The following CSMD1 variants were observed in gnomAD, a reference collection of about 807,000 sequenced individuals.
CSMD1 encodes the protein CUB and sushi domain-containing protein 1.
Under a neutral mutation model 417.5 loss-of-function variants are expected in CSMD1, and 213 were observed. The ratio of observed to expected loss-of-function variants is 0.51; its 90% CI spans 0.46 to 0.57. The LOEUF (loss-of-function observed/expected upper bound fraction) is 0.57, where lower values mean the gene tolerates loss of function less well. Ranked by LOEUF, CSMD1 falls within the 20% of genes least tolerant of loss-of-function variation. The pLI is 0.00. For missense variants in CSMD1, 6,923 were observed against 4,529.7 expected, an observed-to-expected ratio of 1.53 and a Z score of -15.17; for synonymous variants, 2,862 against 1,736.8, an observed-to-expected ratio of 1.65 and a Z score of -16.11.
intron 5 of CSMD1, among the ~76,000 whole-genome samples, chr8:3,974,084 CTTAT>C (rs140703616): frequency 0.016 from 2,452 of 152,062 alleles, 56 homozygotes; most frequent in African/African-American, 0.055. Flanking sequence ...AATGGTAGGT[CTTAT>C]TTATTATTTC....
intron 2 of CSMD1, among the ~76,000 whole-genome samples, chr8:4,611,960 A>C (rs1233240642): frequency 6.6e-6 from 1 of 152,120 alleles, no homozygotes; most frequent in African/African-American, 2.4e-5. Context: ...ATTTAGCTTA[A>C]TTTGTGTGTT....
chr8:3,068,145 A>C (rs1813071419), intron 49 of CSMD1, among the ~76,000 whole-genome samples: 1 of 152,210 alleles, frequency 6.6e-6, no homozygotes, highest in Non-Finnish European at 1.5e-5. Context: ...ACAGAGGTTC[A>C]AACACTGTCT....
At chr8:3,925,663 T>C (rs1809602625) in intron 5 of CSMD1, among the ~76,000 whole-genome samples, 1 of 152,000 alleles carries the variant, frequency 6.6e-6, no homozygotes, top group South Asian at 2.1e-4. Flanking sequence ...GTTTCCACTT[T>C]TGCCTCCTCC....
chr8:4,599,525 C>G (rs551476094), intron 2 of CSMD1, among the ~76,000 whole-genome samples: 5 of 150,844 alleles, frequency 3.3e-5, no homozygotes, highest in Middle Eastern at 3.2e-3. Context: ...TTTTTTTACA[C>G]TAAGTGCACA....
chr8:3,471,103 C>G (rs530452050), intron 11 of CSMD1, among the ~76,000 whole-genome samples: 14 of 152,286 alleles, frequency 9.2e-5, no homozygotes, highest in East Asian at 7.7e-4. Context: ...AATTTTTCCC[C>G]AGACTGTTTG....
intron 7 of CSMD1, among the ~76,000 whole-genome samples, chr8:3,640,877 G>C (rs1179571685): frequency 6.6e-6 from 1 of 151,986 alleles, no homozygotes; most frequent in Non-Finnish European, 1.5e-5. Flanking sequence ...TGTTAATGAT[G>C]TCAGTATCCA....
chr8:4,886,839 C>T (rs1286875561), intron 1 of CSMD1, among the ~76,000 whole-genome samples: 1 of 151,924 alleles, frequency 6.6e-6, no homozygotes, highest in Non-Finnish European at 1.5e-5. Context: ...TCTCTTCTGT[C>T]ATTTCAGATT....
chr8:3,760,184 A>G (rs1797914763), intron 5 of CSMD1, among the ~76,000 whole-genome samples: 1 of 152,192 alleles, frequency 6.6e-6, no homozygotes, highest in African/African-American at 2.4e-5. Context: ...GAGCATCTCA[A>G]TCTAGGTCAG....
intron 5 of CSMD1, among the ~76,000 whole-genome samples, chr8:3,754,495 T>C (rs1158402245): frequency 6.6e-6 from 1 of 151,792 alleles, no homozygotes; most frequent in East Asian, 1.9e-4. Context: ...CACTGTGTCA[T>C]CCAGGCTGGA....
chr8:3,577,432 C>T (rs897970325), intron 9 of CSMD1, among the ~76,000 whole-genome samples: 5 of 151,954 alleles, frequency 3.3e-5, no homozygotes, highest in Admixed American at 6.6e-5. Context: ...AATCTCTGTC[C>T]GTCTTTGCAA....
chr8:3,565,578 T>G (rs552503068), intron 10 of CSMD1, among the ~76,000 whole-genome samples: 1 of 152,348 alleles, frequency 6.6e-6, no homozygotes, highest in Non-Finnish European at 1.5e-5. Flanking sequence ...AGTGAATGCC[T>G]CTTCTTCATC....
At position 4,466,893 on chromosome 8, in the gene CSMD1, T is replaced by C. The variant is rs144687595; in HGVS notation, c.303-46828A>G. 2.0e-4 allele frequency among the ~76,000 whole-genome samples: 30 copies of C among 152,136 alleles called. No individual in the cohort carries two copies. The East Asian group carries it at 3.7e-3, about 19-fold the overall frequency. On this transcript the variant is annotated intron_variant, in intron 2 of 69. Transcript: ENST00000635120. ...ATGAGACTAAGGTTATTTTTAATTATATTGAAATTTTACAGTGTGTTTTTA... is the reference window on the plus strand; with the variant it reads ...ATGAGACTAAGGTTATTTTTAATTACATTGAAATTTTACAGTGTGTTTTTA...
At chr8:4,972,917 C>A (rs1341158916) in intron 1 of CSMD1, among the ~76,000 whole-genome samples, 1 of 152,076 alleles carries the variant, frequency 6.6e-6, no homozygotes, top group Non-Finnish European at 1.5e-5. Flanking sequence ...GGAGAGTACT[C>A]TTGAAAATAC....
chr8:3,634,692 G>A (rs182674388), intron 7 of CSMD1, among the ~76,000 whole-genome samples: 2 of 152,248 alleles, frequency 1.3e-5, no homozygotes, highest in African/African-American at 2.4e-5. Context: ...GAAATGAAAG[G>A]TGTGATTAGA....
intron 1 of CSMD1, among the ~76,000 whole-genome samples, chr8:4,820,576 A>T (rs1799465550): frequency 6.6e-6 from 1 of 152,172 alleles, no homozygotes; most frequent in African/African-American, 2.4e-5. Flanking sequence ...GTGAGCAAAG[A>T]AATGCGTGAA....
chr8:3,760,969 T>C (rs1013735521), intron 5 of CSMD1, among the ~76,000 whole-genome samples: 19 of 152,072 alleles, frequency 1.2e-4, no homozygotes, highest in Non-Finnish European at 2.9e-5. Flanking sequence ...TTCTTTTTTT[T>C]TTGCATTTTC....
chr8:3,169,247 C>T (rs1012808021), intron 37 of CSMD1, among the ~76,000 whole-genome samples: 2 of 152,240 alleles, frequency 1.3e-5, no homozygotes, highest in African/African-American at 4.8e-5. Flanking sequence ...TAGGAGAAAC[C>T]AGAGGAGACA....
At chr8:4,763,110 A>G (rs1348464386) in intron 1 of CSMD1, among the ~76,000 whole-genome samples, 1 of 152,216 alleles carries the variant, frequency 6.6e-6, no homozygotes, top group Non-Finnish European at 1.5e-5. Flanking sequence ...TACCAAACTC[A>G]GCATGAAGTT....
chr8:3,632,280 G>C (rs189713837), intron 7 of CSMD1, among the ~76,000 whole-genome samples: 120 of 152,282 alleles, frequency 7.9e-4, no homozygotes, highest in Middle Eastern at 6.8e-3. Context: ...CAACAGTGTT[G>C]GTTGGAGGCA....
Sources: gnomAD v4.1 joint callset for allele counts (sites outside exome capture counted in the v4.1 genomes callset) on GRCh38, gnomAD v4.1.1 for gene constraint, MANE v1.5 for transcripts, NCBI Gene and HGNC (gene_info 2026-07-23, HGNC 2026-07-21) for gene names.